The following CBLB variants were observed in gnomAD, a reference collection of about 807,000 sequenced individuals.
CBLB encodes the protein E3 ubiquitin-protein ligase CBL-B.
In CBLB, 31 loss-of-function variants were observed where a neutral mutation model predicts 104.9. The ratio of observed to expected loss-of-function variants is 0.30; its 90% CI spans 0.22 to 0.40. CBLB has a LOEUF of 0.40. Among genes scored for constraint, CBLB ranks in the 10% least tolerant of loss-of-function variants. The pLI is 1.00. For synonymous variants in CBLB, 440 were observed against 422.6 expected (o/e 1.04, Z -0.51); for missense variants, 1,062 against 1,214.6 (o/e 0.87, Z 1.87).
chr3:105,837,983 A>G (rs941390575), intron 3 of CBLB, among the ~76,000 whole-genome samples: 2 of 152,090 alleles, frequency 1.3e-5, no homozygotes, highest in Admixed American at 1.3e-4. Flanking sequence ...AGAAATAACC[A>G]TATATTATTA....
At chr3:105,816,842 A>T (rs551875158) in intron 3 of CBLB, among the ~76,000 whole-genome samples, 1 of 152,290 alleles carries the variant, frequency 6.6e-6, no homozygotes, top group East Asian at 1.9e-4. Context: ...TATTAATGGA[A>T]CCTACTTTTA....
chr3:105,713,997 T>C (rs2071484500), intron 10 of CBLB, among the ~76,000 whole-genome samples: 1 of 152,172 alleles, frequency 6.6e-6, no homozygotes, highest in Non-Finnish European at 1.5e-5. Context: ...AGAGGTAAAA[T>C]TGCCTATAGT....
intron 2 of CBLB, among the ~76,000 whole-genome samples, chr3:105,856,345 T>C (rs1219214666): frequency 5.4e-5 from 5 of 93,366 alleles, no homozygotes; most frequent in African/African-American, 1.7e-4. Flanking sequence ...CAAGACTCCA[T>C]CTCAAAAAAA....
chr3:105,853,389 A>G, intron 3 of CBLB, 25 bp downstream of exon 3: 1 of 1,612,246 alleles, frequency 6.2e-7, no homozygotes, highest in Non-Finnish European at 8.5e-7. Flanking sequence ...CCTTTACACC[A>G]AAACATCTGA....
chr3:105,668,143 A>G (rs1468366316), intron 18 of CBLB, among the ~76,000 whole-genome samples: 1 of 152,214 alleles, frequency 6.6e-6, no homozygotes, highest in Non-Finnish European at 1.5e-5. Flanking sequence ...TGTTACAGCT[A>G]GCTGGGCCCT....
chr3:105,775,144 G>C (rs1453618697), intron 4 of CBLB, among the ~76,000 whole-genome samples: 2 of 152,022 alleles, frequency 1.3e-5, no homozygotes, highest in African/African-American at 4.8e-5. Context: ...TAAATAACTA[G>C]ATTGCTACAA....
At chr3:105,832,314 T>C (rs1454236818) in intron 3 of CBLB, among the ~76,000 whole-genome samples, 4 of 152,216 alleles carry the variant, frequency 2.6e-5, no homozygotes, top group African/African-American at 9.7e-5. Context: ...GTTCCAATTA[T>C]GTGCTTCTCA....
chr3:105,773,478 T>C (rs1321614729), intron 4 of CBLB, among the ~76,000 whole-genome samples: 1 of 152,170 alleles, frequency 6.6e-6, no homozygotes, highest in Non-Finnish European at 1.5e-5. Flanking sequence ...TAAAATCTTA[T>C]AAATCACCAC....
At chr3:105,862,634 G>GT (rs2092180211) in intron 2 of CBLB, among the ~76,000 whole-genome samples, 1 of 152,152 alleles carries the variant, frequency 6.6e-6, no homozygotes, top group Non-Finnish European at 1.5e-5. Flanking sequence ...ACAGAGTCAA[G>GT]TAAGTATTCT....
chr3:105,849,433 C>G lies in CBLB; in HGVS notation c.419+3981G>C, dbSNP rs190673936. Among the ~76,000 whole-genome samples the G allele has an allele frequency of 2.0e-5, 3 of 152,082 alleles. No homozygotes were observed. In the East Asian group the frequency reaches 5.8e-4, roughly 29 times the overall value. ...ACAGTGAACAAAATTCACTTGGACACTTAAAATGCAGGCAAGAATACACAG... is the reference window on the plus strand; with the variant it reads ...ACAGTGAACAAAATTCACTTGGACAGTTAAAATGCAGGCAAGAATACACAG... On this transcript the variant is annotated intron_variant, in intron 3 of 18. Coordinates refer to ENST00000394030, the MANE Select transcript of CBLB (RefSeq NM_170662.5).
chr3:105,720,341 C>A, intron 9 of CBLB, 91 bp from the exon 10 acceptor site: 1 of 1,287,680 alleles, frequency 7.8e-7, no homozygotes, highest in South Asian at 1.3e-5. Flanking sequence ...AAAAGTCACA[C>A]CCCCAAAAAG....
intron 14 of CBLB, 102 bp downstream of exon 14, chr3:105,685,218 T>C (rs994466263): frequency 3.9e-6 from 4 of 1,034,228 alleles, no homozygotes; most frequent in Non-Finnish European, 6.1e-6. Context: ...AGCTGGAAAT[T>C]AAGGATTTTT....
intron 3 of CBLB, among the ~76,000 whole-genome samples, chr3:105,786,414 G>A (rs1450916670): frequency 2.6e-5 from 4 of 152,036 alleles, no homozygotes; most frequent in African/African-American, 9.7e-5. Flanking sequence ...CAATGTCTCC[G>A]GTACTCTGAA....
At chr3:105,838,103 G>A (rs1340946270) in intron 3 of CBLB, among the ~76,000 whole-genome samples, 3 of 124,128 alleles carry the variant, frequency 2.4e-5, no homozygotes, top group Admixed American at 9.4e-5. Context: ...TTTTTTCTGA[G>A]ACACGTTCTC....
chr3:105,676,291 C>T (rs980737205), intron 17 of CBLB, among the ~76,000 whole-genome samples: 2 of 152,004 alleles, frequency 1.3e-5, no homozygotes, highest in Non-Finnish European at 2.9e-5. Context: ...AGCAATTAAT[C>T]TTGAGGGGTT....
At chr3:105,771,828 A>G (rs2078905239) in intron 4 of CBLB, among the ~76,000 whole-genome samples, 1 of 152,194 alleles carries the variant, frequency 6.6e-6, no homozygotes, top group Non-Finnish European at 1.5e-5. Flanking sequence ...ATATTTAACC[A>G]AGGAGGTGAA....
rs1488923346 is a variant in CBLB at position 105,734,188 on chromosome 3, A to G, written c.1072-48T>C. 5 of 1,593,548 alleles carry G rather than the reference A, an allele frequency of 3.1e-6. No homozygotes were observed. In the Admixed American group the frequency reaches 5.0e-5, roughly 16 times the overall value. ...AAAGTAATGTTAATGTATTTCCAGC[A>G]CAAATTGTTAGTATCAAATTTTCCC... On this transcript the variant is annotated intron_variant, in intron 8 of 18. Transcript: ENST00000394030.
rs1553794623 is a variant in CBLB, at chr3:105,786,061, C to CGGGGA, written c.420-9520_420-9519insTCCCC. On this transcript the variant is annotated intron_variant, in intron 3 of 18. Coordinates refer to ENST00000394030, the MANE Select transcript of CBLB (RefSeq NM_170662.5). ...CACACATAACACTGTGTGAGAGGAT[C>CGGGGA]GGGGGGGGGAAAGTGGGTAAAATGA... Among the ~76,000 whole-genome samples the CGGGGA allele has an allele frequency of 2.0e-4, 16 of 79,200 alleles. 1 individual carries two copies. The highest frequency in any genetic ancestry group is 3.8e-4 in the Non-Finnish European group (14 of 36,844). The allele number at this position is 79,200 out of a possible 152,430, so 52.0% of individuals were successfully genotyped here.
chr3:105,812,732 G>A (rs2084480279), intron 3 of CBLB, among the ~76,000 whole-genome samples: 1 of 152,192 alleles, frequency 6.6e-6, no homozygotes, highest in African/African-American at 2.4e-5. Flanking sequence ...ATATTTAGAT[G>A]TGGTATCTAT....
Sources: gnomAD v4.1 joint callset for allele counts (sites outside exome capture counted in the v4.1 genomes callset) on GRCh38, gnomAD v4.1.1 for gene constraint, MANE v1.5 for transcripts, NCBI Gene and HGNC (gene_info 2026-07-23, HGNC 2026-07-21) for gene names.